AFAP1L1: variants seen among roughly 807,000 people sequenced by gnomAD.
The protein encoded by AFAP1L1 is actin filament-associated protein 1-like 1.
Under a neutral mutation model 99.8 loss-of-function variants are expected in AFAP1L1, and 77 were observed. That is an observed-to-expected ratio of 0.77 (90% confidence interval 0.64 to 0.93). The LOEUF is 0.93. Ranked by LOEUF, AFAP1L1 falls within the 40% of genes least tolerant of loss-of-function variation. The pLI, the probability that AFAP1L1 is intolerant of heterozygous loss-of-function variation, is 0.00. For synonymous variants in AFAP1L1, 373 were observed against 395.3 expected (o/e 0.94, Z 0.67); for missense variants, 893 against 996.8 (o/e 0.90, Z 1.40).
intron 8 of AFAP1L1, among the ~76,000 whole-genome samples, chr5:149,310,808 G>T (rs1014481325): frequency 1.3e-5 from 2 of 152,208 alleles, no homozygotes; most frequent in African/African-American, 4.8e-5. Flanking sequence ...AAAGGCCATA[G>T]GCAGGATGAC....
chr5:149,299,676 T>G, intron 2 of AFAP1L1, 39 bp downstream of exon 2: 1 of 1,612,928 alleles, frequency 6.2e-7, no homozygotes, highest in East Asian at 2.2e-5. Context: ...GCTCCACTTA[T>G]GTAGGACAAC....
At chr5:149,327,171 A>G (rs184180839) in intron 15 of AFAP1L1, among the ~76,000 whole-genome samples, 1 of 150,772 alleles carries the variant, frequency 6.6e-6, no homozygotes, top group African/African-American at 2.4e-5. Flanking sequence ...CATTATAAAT[A>G]TATTTAAAGA....
At chr5:149,316,558 C>T (rs1756804447) in intron 11 of AFAP1L1, among the ~76,000 whole-genome samples, 1 of 152,122 alleles carries the variant, frequency 6.6e-6, no homozygotes, top group African/African-American at 2.4e-5. Flanking sequence ...TGACCGTAGC[C>T]CAAATCACTG....
chr5:149,317,643 C>A, intron 11 of AFAP1L1, 86 bp from the exon 12 acceptor site: 1 of 1,460,668 alleles, frequency 6.8e-7, no homozygotes, highest in Non-Finnish European at 9.3e-7. Context: ...CCGAGGCCTT[C>A]TTTCCAGCAG....
At chr5:149,298,092 C>A (rs1363721166) in intron 1 of AFAP1L1, among the ~76,000 whole-genome samples, 3 of 152,184 alleles carry the variant, frequency 2.0e-5, no homozygotes, top group African/African-American at 7.2e-5. Context: ...TGATCTGGCT[C>A]CAGGGCCTGT....
chr5:149,305,106 A>C (rs1756366839), intron 5 of AFAP1L1, among the ~76,000 whole-genome samples: 1 of 152,246 alleles, frequency 6.6e-6, no homozygotes, highest in Admixed American at 6.5e-5. Context: ...AAAGGAGACA[A>C]TCACAGTAAT....
chr5:149,276,053 C>T (rs1448588025), intron 1 of AFAP1L1, among the ~76,000 whole-genome samples: 3 of 152,224 alleles, frequency 2.0e-5, no homozygotes, highest in African/African-American at 7.2e-5. Context: ...CCAGCTGTCT[C>T]CATATCAAAG....
At chr5:149,274,884 C>CA (rs60097014) in intron 1 of AFAP1L1, among the ~76,000 whole-genome samples, 56,503 of 123,252 alleles carry the variant, frequency 0.46, 12,289 homozygotes, top group East Asian at 0.6. Context: ...GATTCTGTCT[C>CA]AAAAAAAAAA....
At chr5:149,326,315 G>T (rs1169548337) in intron 15 of AFAP1L1, among the ~76,000 whole-genome samples, 1 of 152,098 alleles carries the variant, frequency 6.6e-6, no homozygotes, top group African/African-American at 2.4e-5. Flanking sequence ...GAGGCAGGTG[G>T]ATCACTTGAG....
chr5:149,331,824 T>G (rs1757265671), intron 16 of AFAP1L1, among the ~76,000 whole-genome samples: 1 of 152,082 alleles, frequency 6.6e-6, no homozygotes, highest in Admixed American at 6.5e-5. Context: ...AGCTTATTTC[T>G]CACACTCATG....
chr5:149,315,775 T>G, intron 9 of AFAP1L1, 46 bp from the exon 10 acceptor site: 1 of 1,564,696 alleles, frequency 6.4e-7, no homozygotes, highest in Non-Finnish European at 8.8e-7. Context: ...ATTTGGGTAC[T>G]TCTGAATGTG....
chr5:149,314,854 T>C (rs17109939), intron 9 of AFAP1L1, among the ~76,000 whole-genome samples: 5,560 of 152,274 alleles, frequency 0.037, 232 homozygotes, highest in East Asian at 0.12. Context: ...GTGGATGTCA[T>C]TTAATCCTGG....
chr5:149,331,795 T>A (rs2127604013), intron 16 of AFAP1L1, among the ~76,000 whole-genome samples: 1 of 152,234 alleles, frequency 6.6e-6, no homozygotes, highest in South Asian at 2.1e-4. Context: ...GTCCAGGGAC[T>A]TAAATGATGT....
At chr5:149,325,332 A>C (rs1757066170) in intron 15 of AFAP1L1, among the ~76,000 whole-genome samples, 1 of 152,182 alleles carries the variant, frequency 6.6e-6, no homozygotes, top group African/African-American at 2.4e-5. Flanking sequence ...TTCTTCCCCC[A>C]GCTGCCAGTC....
At chr5:149,286,365 A>C (rs1225701538) in intron 1 of AFAP1L1, among the ~76,000 whole-genome samples, 1 of 152,162 alleles carries the variant, frequency 6.6e-6, no homozygotes, top group Non-Finnish European at 1.5e-5. Context: ...ATGCAGAGGA[A>C]ATGCCGCAAA....
In AFAP1L1 at chr5:149,315,914, G is replaced by C. The variant is rs367945305; in HGVS notation, c.1114G>C (p.Gly372Arg). ...TLGRRETCDH[G>R]KGKKSSLAEL... is the part of the protein sequence containing the mutation. ...TGGCCGCCGGGAGACCTGTGATCAC[G>C]GTAGGAGCCTCTGGGGGCTCAGGCT... The change falls in exon 10 of 19, where the codon GGC (glycine) becomes CGC (arginine). Residue 372 changes from glycine (G) to arginine (R), a missense_variant and splice_region_variant. Coordinates refer to ENST00000296721, the MANE Select transcript of AFAP1L1 (RefSeq NM_152406.4). The C allele has an allele frequency of 2.5e-6, 4 of 1,614,114 alleles. No individual in the cohort carries two copies. The highest frequency in any genetic ancestry group is 3.4e-6 in the Non-Finnish European group (4 of 1,180,002).
rs1274463931 is a variant in AFAP1L1, at chr5:149,341,983, ACT to A, written c.*1957_*1958del. ...AGTGTCTTTTCTCACCAACAGATGAACTCTCAGAGGAGTGGCTGGGGGTAATT... is the reference window on the plus strand; with the variant it reads ...AGTGTCTTTTCTCACCAACAGATGAACTCAGAGGAGTGGCTGGGGGTAATT... On this transcript the variant is annotated 3_prime_UTR_variant, in exon 19 of 19. Coordinates refer to ENST00000296721, the MANE Select transcript of AFAP1L1 (RefSeq NM_152406.4). 6.6e-6 allele frequency among the ~76,000 whole-genome samples: 1 copy of A among 152,052 alleles called. No homozygotes were observed. Among genetic ancestry groups the A allele is most frequent in the African/African-American group, 2.4e-5 (1 of 41,392 alleles).
At position 149,320,247 on chromosome 5, in the gene AFAP1L1, T is replaced by C. The variant is rs150028791; in HGVS notation, c.1626-144T>C. 1.3e-6 allele frequency: 1 copy of C among 745,058 alleles called. No individual in the cohort carries two copies. The highest frequency in any genetic ancestry group is 2.3e-6 in the Non-Finnish European group (1 of 439,332). 46.2% of individuals were successfully genotyped at this position (745,058 alleles called of 1,614,324 possible). On this transcript the variant is annotated intron_variant, in intron 13 of 18. Coordinates refer to ENST00000296721, the MANE Select transcript of AFAP1L1 (RefSeq NM_152406.4). The surrounding 1 kb of genome is among the most constrained non-coding windows in gnomAD (Gnocchi z 4.0). ...CGCCCTAACACAGCCCATGACACAA[T>C]GCTGCCTGCCATCTTGCTTTTACCA...
At chr5:149,290,048 A>G (rs1490531649) in intron 1 of AFAP1L1, among the ~76,000 whole-genome samples, 1 of 152,150 alleles carries the variant, frequency 6.6e-6, no homozygotes, top group East Asian at 1.9e-4. Context: ...CCTGGCTAAC[A>G]TGGTGAAACA....
Sources: gnomAD v4.1 joint callset for allele counts (sites outside exome capture counted in the v4.1 genomes callset) on GRCh38, gnomAD v4.1.1 for gene constraint, Gnocchi (gnomAD v3.1) non-coding constraint, MANE v1.5 for transcripts, NCBI Gene and HGNC (gene_info 2026-07-23, HGNC 2026-07-21) for gene names.